The following MAD1L1 variants were observed in gnomAD, a reference collection of about 807,000 sequenced individuals.
The protein encoded by MAD1L1 is mitotic arrest deficient 1 like 1.
Under a neutral mutation model 96.9 loss-of-function variants are expected in MAD1L1, and 95 were observed. That is an observed-to-expected ratio of 0.98 (90% CI 0.83 to 1.16). The LOEUF is 1.16. MAD1L1 is among the 50% of genes most tolerant of loss of function. The probability of loss-of-function intolerance (pLI) is 0.00; values close to 1 mark genes in which losing one functional copy is unlikely to be tolerated. For missense variants in MAD1L1, 1,007 were observed against 954.4 expected (o/e 1.06, Z -0.73); for synonymous variants, 473 against 396.6 (o/e 1.19, Z -2.29).
At position 2,222,601 on chromosome 7, in the gene MAD1L1, C is replaced by G. The variant is rs1166890030; in HGVS notation, c.445G>C (p.Glu149Gln). 6.2e-7 allele frequency: 1 copy of G among 1,611,336 alleles called. No homozygotes were observed. Among genetic ancestry groups the G allele is most frequent in the South Asian group, 1.1e-5 (1 of 90,866 alleles). Reference sequence around the variant, plus strand: ...TCGCCAGCCTGGGCCAGACTGTCCTCTTTCTCACGCAGCCTCTTGCTGGCA... The same window carrying G: ...TCGCCAGCCTGGGCCAGACTGTCCTGTTTCTCACGCAGCCTCTTGCTGGCA... Reference protein sequence around the residue: ...DAASKRLREKEDSLAQAGETI... With the variant: ...DAASKRLREKQDSLAQAGETI... Residue 149 changes from glutamate to glutamine, a missense_variant, in exon 5 of 19, where the codon GAG (glutamate) becomes CAG (glutamine). Coordinates refer to ENST00000265854, the MANE Select transcript of MAD1L1 (RefSeq NM_001013836.2).
intron 11 of MAD1L1, among the ~76,000 whole-genome samples, chr7:2,134,149 A>G (rs1788646573): frequency 6.6e-6 from 1 of 152,202 alleles, no homozygotes; most frequent in Admixed American, 6.5e-5. Context: ...GTGAACATAG[A>G]ATGCCGCTGC....
At chr7:2,139,814 G>A (rs1297696899) in intron 11 of MAD1L1, among the ~76,000 whole-genome samples, 3 of 152,200 alleles carry the variant, frequency 2.0e-5, no homozygotes, top group Non-Finnish European at 4.4e-5. Flanking sequence ...TCAAGGCTAA[G>A]GTTTTGTGGG....
At chr7:2,218,945 A>G (rs1793438953) in intron 6 of MAD1L1, among the ~76,000 whole-genome samples, 1 of 152,026 alleles carries the variant, frequency 6.6e-6, no homozygotes, top group African/African-American at 2.4e-5. Context: ...TTGCAGACCC[A>G]GTTACTCGGG....
In MAD1L1 at chr7:1,816,057, C is replaced by T. The variant is rs751544738; in HGVS notation, c.*13G>A. On this transcript the variant is annotated 3_prime_UTR_variant, in exon 19 of 19. Transcript: ENST00000265854. ...AAGCAGAGTGGCTCCGGCTATGCCCCCGAGCCTGCAGGCTACGCCACGGTC... is the reference window on the plus strand; with the variant it reads ...AAGCAGAGTGGCTCCGGCTATGCCCTCGAGCCTGCAGGCTACGCCACGGTC... 9 of 1,601,818 alleles carry T rather than the reference C, an allele frequency of 5.6e-6. No individual in the cohort carries two copies. Among genetic ancestry groups the T allele is most frequent in the African/African-American group, 5.4e-5 (4 of 74,760 alleles).
intron 18 of MAD1L1, among the ~76,000 whole-genome samples, chr7:1,862,590 CAG>C (rs770158181): frequency 6.6e-6 from 1 of 152,264 alleles, no homozygotes; most frequent in African/African-American, 2.4e-5. Flanking sequence ...CAGATCCACT[CAG>C]GGGGCATTGC....
rs543253598 is a variant in MAD1L1 at position 2,057,977 on chromosome 7, T to C, written c.1218+11217A>G. ...GAGAAGCAGGGCCGGAGAGGGAGTG[T>C]GGCCAGAGGAGAGGAGAGGCGCGGG... is the stretch of plus-strand genomic sequence containing the variant. On this transcript the variant is annotated intron_variant, in intron 12 of 18. Coordinates refer to ENST00000265854, the MANE Select transcript of MAD1L1 (RefSeq NM_001013836.2). 6.3e-4 allele frequency among the ~76,000 whole-genome samples: 93 copies of C among 148,762 alleles called. 3 individuals carry two copies. The highest frequency in any genetic ancestry group is 2.3e-3 in the African/African-American group (91 of 39,740).
chr7:1,911,815 C>G (rs1370162375), intron 17 of MAD1L1, among the ~76,000 whole-genome samples: 2 of 152,262 alleles, frequency 1.3e-5, no homozygotes, highest in African/African-American at 4.8e-5. Context: ...CTTGGGCATC[C>G]TATCCCTCTC....
chr7:1,870,924 C>T (rs1225459310), intron 18 of MAD1L1, among the ~76,000 whole-genome samples: 1 of 149,092 alleles, frequency 6.7e-6, no homozygotes, highest in African/African-American at 2.5e-5. Flanking sequence ...CACGCTGAAC[C>T]CAACATACGC....
intron 16 of MAD1L1, among the ~76,000 whole-genome samples, chr7:1,945,462 C>T (rs770323942): frequency 1.3e-5 from 2 of 152,222 alleles, no homozygotes; most frequent in South Asian, 2.1e-4. Flanking sequence ...GTAGGTCCCA[C>T]GAAAGGGCTT....
intron 11 of MAD1L1, among the ~76,000 whole-genome samples, chr7:2,111,276 A>T (rs1787366539): frequency 6.6e-6 from 1 of 152,160 alleles, no homozygotes. Flanking sequence ...CAGAGCCCGC[A>T]GGCGCCTCCA....
At chr7:1,959,737 A>C (rs1196229934) in intron 15 of MAD1L1, among the ~76,000 whole-genome samples, 1 of 152,242 alleles carries the variant, frequency 6.6e-6, no homozygotes, top group African/African-American at 2.4e-5. Context: ...CCTTCAGATC[A>C]GACACGAAAG....
chr7:2,061,951 G>A (rs1300003928), intron 12 of MAD1L1, among the ~76,000 whole-genome samples: 1 of 152,200 alleles, frequency 6.6e-6, no homozygotes, highest in Non-Finnish European at 1.5e-5. Context: ...CTTAAAAACA[G>A]GGAAGTGGGC....
rs187794011 is a variant in MAD1L1 at position 2,186,472 on chromosome 7, C to G, written c.986+26740G>C. 1.9e-3 allele frequency among the ~76,000 whole-genome samples: 286 copies of G among 152,320 alleles called. 1 individual carries two copies. The highest frequency in any genetic ancestry group is 6.7e-3 in the African/African-American group (280 of 41,568). The stretch of plus-strand genomic sequence containing the variant: ...TTGTTATGTACGTAAGACGTCCATG[C>G]ACATAAAAATTATGTAAGGACTTAT... On this transcript the variant is annotated intron_variant, in intron 10 of 18. Coordinates refer to ENST00000265854, the MANE Select transcript of MAD1L1 (RefSeq NM_001013836.2).
In MAD1L1 at chr7:2,067,483, C is replaced by T. The variant is rs978712901; in HGVS notation, c.1218+1711G>A. On this transcript the variant is annotated intron_variant, in intron 12 of 18. Transcript: ENST00000265854. ...ACGTCATCACGCACCCAAAGATCAC[C>T]GAGCTAAGGTGTCCCGCCACTCTGA... Among the ~76,000 whole-genome samples, 48 of 152,144 alleles carry T rather than the reference C, an allele frequency of 3.2e-4. 1 individual carries two copies. The highest frequency in any genetic ancestry group is 5.3e-4 in the Non-Finnish European group (36 of 68,004).
intron 16 of MAD1L1, among the ~76,000 whole-genome samples, chr7:1,954,141 C>T (rs145948403): frequency 6.6e-6 from 1 of 152,198 alleles, no homozygotes; most frequent in Non-Finnish European, 1.5e-5. Flanking sequence ...GGAAAACGTC[C>T]AAGTGTCTTG....
chr7:1,900,222 CG>C (rs1787160252), intron 17 of MAD1L1, among the ~76,000 whole-genome samples: 1 of 152,260 alleles, frequency 6.6e-6, no homozygotes, highest in Admixed American at 6.5e-5. Flanking sequence ...CACAGAGACT[CG>C]CTGCTTAGCT....
intron 18 of MAD1L1, among the ~76,000 whole-genome samples, chr7:1,870,079 GAC>G (rs1784972485): frequency 6.6e-6 from 1 of 152,200 alleles, no homozygotes; most frequent in African/African-American, 2.4e-5. Context: ...CTTGAACCGA[GAC>G]AGGGAGAGTG....
intron 16 of MAD1L1, among the ~76,000 whole-genome samples, chr7:1,937,366 G>C (rs1422286229): frequency 6.6e-6 from 1 of 152,204 alleles, no homozygotes; most frequent in Non-Finnish European, 1.5e-5. Context: ...CACAGAGATG[G>C]AAGGCAAGGG....
intron 17 of MAD1L1, among the ~76,000 whole-genome samples, chr7:1,907,376 C>T (rs6965707): frequency 0.089 from 13,556 of 152,272 alleles, 1,974 homozygotes; most frequent in African/African-American, 0.3. Context: ...CAGGGACTCA[C>T]GGCACAGCCA....
Sources: gnomAD v4.1 joint callset for allele counts (sites outside exome capture counted in the v4.1 genomes callset) on GRCh38, gnomAD v4.1.1 for gene constraint, MANE v1.5 for transcripts, NCBI Gene and HGNC (gene_info 2026-07-23, HGNC 2026-07-21) for gene names.